The following COL23A1 variants were observed in gnomAD, a reference collection of about 807,000 sequenced individuals.
COL23A1 encodes collagen alpha-1(XXIII) chain.
COL23A1 carries 97 observed loss-of-function variants against 99.3 expected under a neutral mutation model. That is an observed-to-expected ratio of 0.98 (90% CI 0.83 to 1.16). The LOEUF (loss-of-function observed/expected upper bound fraction) is 1.16. COL23A1 is among the 50% of genes most tolerant of loss of function. The pLI is 0.00. For synonymous variants in COL23A1, 320 were observed against 308.2 expected (o/e 1.04, Z -0.40); for missense variants, 762 against 757.4 (o/e 1.01, Z -0.07).
intron 2 of COL23A1, among the ~76,000 whole-genome samples, chr5:178,397,498 C>T (rs1764215272): frequency 6.6e-6 from 1 of 152,202 alleles, no homozygotes; most frequent in Non-Finnish European, 1.5e-5. Context: ...ACTATACTGC[C>T]CCTTCTAACA....
intron 1 of COL23A1, among the ~76,000 whole-genome samples, chr5:178,586,538 AG>A (rs2113761754): frequency 6.6e-6 from 1 of 152,248 alleles, no homozygotes; most frequent in Admixed American, 6.5e-5. Flanking sequence ...TGTCTGTGAA[AG>A]GAACGCCCCA....
At chr5:178,553,341 A>G (rs1188266668) in intron 2 of COL23A1, among the ~76,000 whole-genome samples, 1 of 152,190 alleles carries the variant, frequency 6.6e-6, no homozygotes, top group African/African-American at 2.4e-5. Context: ...CAGGTTCTGT[A>G]TAACTTCCAC....
intron 2 of COL23A1, among the ~76,000 whole-genome samples, chr5:178,335,449 A>C (rs1321844833): frequency 1.3e-5 from 2 of 152,036 alleles, no homozygotes; most frequent in Non-Finnish European, 2.9e-5. Context: ...TAAGGAAGAC[A>C]AAAAGATGTC....
intron 2 of COL23A1, among the ~76,000 whole-genome samples, chr5:178,400,366 CAAAAAAAAAA>C (rs58417444): frequency 9.5e-5 from 6 of 62,834 alleles, no homozygotes; most frequent in Admixed American, 8.2e-4. Context: ...GACTCCGTCT[CAAAAAAAAAA>C]AAAAAAAAAA....
chr5:178,579,877 GC>G (rs976411372), intron 1 of COL23A1, among the ~76,000 whole-genome samples: 1 of 152,238 alleles, frequency 6.6e-6, no homozygotes, highest in African/African-American at 2.4e-5. Context: ...CTGCCATGAG[GC>G]TGTGGAAAGG....
At chr5:178,369,685 C>T (rs1762696451) in intron 2 of COL23A1, among the ~76,000 whole-genome samples, 3 of 152,160 alleles carry the variant, frequency 2.0e-5, no homozygotes, top group African/African-American at 7.2e-5. Context: ...TCTCTCTTTG[C>T]TTGCTGCCAT....
intron 1 of COL23A1, among the ~76,000 whole-genome samples, chr5:178,587,496 G>A (rs1764062725): frequency 6.6e-6 from 1 of 152,182 alleles, no homozygotes; most frequent in African/African-American, 2.4e-5. Flanking sequence ...GGTTGGCAAG[G>A]ATGTCTTTTC....
chr5:178,588,250 C>T (rs1764099784), intron 1 of COL23A1, among the ~76,000 whole-genome samples: 1 of 152,180 alleles, frequency 6.6e-6, no homozygotes, highest in African/African-American at 2.4e-5. Flanking sequence ...CAGTCTCTCC[C>T]GCTGAAGTTC....
At chr5:178,357,936 A>G (rs1247684085) in intron 2 of COL23A1, among the ~76,000 whole-genome samples, 44 of 116,528 alleles carry the variant, frequency 3.8e-4, no homozygotes, top group African/African-American at 9.5e-4. Context: ...GTGTATGTGT[A>G]TGTATGTGTG....
At chr5:178,371,923 GT>G (rs2127722882) in intron 2 of COL23A1, among the ~76,000 whole-genome samples, 1 of 152,336 alleles carries the variant, frequency 6.6e-6, no homozygotes, top group African/African-American at 2.4e-5. Context: ...TAACAAGTTA[GT>G]TAAGAAGGAT....
intron 2 of COL23A1, among the ~76,000 whole-genome samples, chr5:178,353,663 C>T (rs949168691): frequency 6.6e-6 from 1 of 152,142 alleles, no homozygotes; most frequent in African/African-American, 2.4e-5. Flanking sequence ...TGAAATAGTA[C>T]CCACTTCCTG....
intron 11 of COL23A1, among the ~76,000 whole-genome samples, 173 bp downstream of exon 11, chr5:178,261,549 A>T (rs1470068177): frequency 1.3e-5 from 2 of 152,222 alleles, no homozygotes; most frequent in Admixed American, 6.5e-5. Context: ...CAGATGACTA[A>T]ACTGAGGCCC....
chr5:178,356,975 C>A (rs1006967037), intron 2 of COL23A1, among the ~76,000 whole-genome samples: 1 of 152,220 alleles, frequency 6.6e-6, no homozygotes, highest in Non-Finnish European at 1.5e-5. Context: ...GCCTGACGCT[C>A]GTGGATGCTC....
intron 3 of COL23A1, among the ~76,000 whole-genome samples, chr5:178,297,815 G>T (rs542062893): frequency 6.6e-6 from 1 of 152,318 alleles, no homozygotes; most frequent in East Asian, 1.9e-4. Flanking sequence ...GGGCTGAAGA[G>T]GGCAAGAGCA....
intron 2 of COL23A1, among the ~76,000 whole-genome samples, chr5:178,495,012 G>A (rs942005614): frequency 6.6e-6 from 1 of 152,214 alleles, no homozygotes; most frequent in Non-Finnish European, 1.5e-5. Context: ...ATAGTCAGAT[G>A]TGGGTCTCGC....
intron 2 of COL23A1, among the ~76,000 whole-genome samples, chr5:178,353,877 C>T (rs1561890212): frequency 6.6e-6 from 1 of 151,666 alleles, no homozygotes; most frequent in African/African-American, 2.4e-5. Flanking sequence ...GACAAAACAT[C>T]TCAGATAGAC....
chr5:178,305,851 G>T (rs1025191497), intron 3 of COL23A1, among the ~76,000 whole-genome samples: 3 of 152,162 alleles, frequency 2.0e-5, no homozygotes, highest in African/African-American at 7.2e-5. Context: ...GGGACTTGGC[G>T]TGGGCAGGGA....
intron 2 of COL23A1, among the ~76,000 whole-genome samples, chr5:178,450,381 A>G (rs1327311825): frequency 2.0e-5 from 3 of 152,160 alleles, no homozygotes; most frequent in Non-Finnish European, 4.4e-5. Context: ...TCTTGAGAGA[A>G]GGTGCGTGCC....
At chr5:178,502,774 ACT>A (rs912840036) in intron 2 of COL23A1, among the ~76,000 whole-genome samples, 5 of 152,192 alleles carry the variant, frequency 3.3e-5, no homozygotes, top group African/African-American at 4.8e-5. Flanking sequence ...CCCTAAGGAA[ACT>A]CTCACACACG....
Sources: gnomAD v4.1 joint callset for allele counts (sites outside exome capture counted in the v4.1 genomes callset) on GRCh38, gnomAD v4.1.1 for gene constraint, MANE v1.5 for transcripts, NCBI Gene and HGNC (gene_info 2026-07-23, HGNC 2026-07-21) for gene names.